DPP10: variants seen among roughly 807,000 people sequenced by gnomAD.
The protein encoded by DPP10 is dipeptidyl peptidase like 10.
A neutral mutation model predicts 120.9 loss-of-function variants in DPP10; 33 were observed. That is an observed-to-expected ratio of 0.27 (90% CI 0.21 to 0.37). The LOEUF is 0.37. Ranked by LOEUF, DPP10 falls within the 10% of genes least tolerant of loss-of-function variation. The pLI is 1.00. For synonymous variants in DPP10, 337 were observed against 326.1 expected, an observed-to-expected ratio of 1.03 and a Z score of -0.36; for missense variants, 816 against 942.8, an observed-to-expected ratio of 0.87 and a Z score of 1.76.
chr2:115,679,485 C>T (rs1449360760), intron 5 of DPP10, among the ~76,000 whole-genome samples: 2 of 152,174 alleles, frequency 1.3e-5, no homozygotes, highest in African/African-American at 4.8e-5. Context: ...CTGAGGCCTT[C>T]CCAGCCATTT....
intron 25 of DPP10, among the ~76,000 whole-genome samples, chr2:115,841,495 A>G (rs1417803103): frequency 1.3e-5 from 2 of 152,182 alleles, no homozygotes; most frequent in Admixed American, 1.3e-4. Context: ...AGCATTCAGA[A>G]GAACCAAAAG....
intron 1 of DPP10, among the ~76,000 whole-genome samples, chr2:114,625,282 C>G (rs1694423904): frequency 6.6e-6 from 1 of 151,922 alleles, no homozygotes. Flanking sequence ...GTGTCTTTAA[C>G]AAGATCTTCT....
chr2:115,815,669 T>G lies in DPP10; in HGVS notation c.1896-6T>G. ...ATATAACTATTGTTTTTCGTTTTCA[T>G]TGCAGATTTTTGCTGAAACTGCCTT... is the stretch of plus-strand genomic sequence containing the variant. On this transcript the variant is annotated splice_polypyrimidine_tract_variant and splice_region_variant and intron_variant, in intron 20 of 25. Transcript: ENST00000410059. The G allele has an allele frequency of 6.2e-7, 1 of 1,600,038 alleles. No homozygotes were observed. Among genetic ancestry groups the G allele is most frequent in the Non-Finnish European group, 8.5e-7 (1 of 1,172,544 alleles).
intron 1 of DPP10, among the ~76,000 whole-genome samples, chr2:115,209,388 T>A (rs1055305004): frequency 7.2e-5 from 11 of 152,140 alleles, no homozygotes; most frequent in African/African-American, 2.4e-4. Context: ...TGGACATTTT[T>A]AATATATGTA....
intron 1 of DPP10, among the ~76,000 whole-genome samples, chr2:114,627,473 T>C (rs1694603044): frequency 6.6e-6 from 1 of 152,100 alleles, no homozygotes; most frequent in Admixed American, 6.6e-5. Context: ...TAGGTTTCCT[T>C]CAGGCATAAC....
chr2:115,192,906 A>G (rs1330237047), intron 1 of DPP10, among the ~76,000 whole-genome samples: 1 of 151,642 alleles, frequency 6.6e-6, no homozygotes, highest in East Asian at 1.9e-4. Flanking sequence ...AATTAAATAA[A>G]TTAAATCCTT....
intron 1 of DPP10, among the ~76,000 whole-genome samples, chr2:114,864,269 G>C (rs571470081): frequency 6.6e-6 from 1 of 152,118 alleles, no homozygotes; most frequent in South Asian, 2.1e-4. Flanking sequence ...GTGAATACAA[G>C]GATGGATAAA....
rs182621733 is a variant in DPP10, at chr2:115,224,734, G to A, written c.61-84505G>A. Among the ~76,000 whole-genome samples the A allele has an allele frequency of 7.2e-4, 109 of 152,072 alleles. 1 individual carries two copies. Among genetic ancestry groups the A allele is most frequent in the Middle Eastern group, 3.4e-3 (1 of 294 alleles). On this transcript the variant is annotated intron_variant, in intron 1 of 25. Transcript: ENST00000410059. Reference sequence around the variant, plus strand: ...ATAATTGTAATTTGTTAAATTTAGCGTTATACAAGGTATATTTATTTTTTA... The same window carrying A: ...ATAATTGTAATTTGTTAAATTTAGCATTATACAAGGTATATTTATTTTTTA...
At chr2:115,795,319 G>A (rs185003754) in intron 19 of DPP10, among the ~76,000 whole-genome samples, 1 of 152,186 alleles carries the variant, frequency 6.6e-6, no homozygotes, top group Non-Finnish European at 1.5e-5. Flanking sequence ...AAGTTATCTT[G>A]CCACACTCGT....
At chr2:115,064,475 G>A in intron 1 of DPP10, 2 of 264,884 alleles carry the variant, frequency 7.6e-6, no homozygotes, top group East Asian at 1.6e-4. Context: ...GTGCCCAAAG[G>A]AGACAGAGAG....
chr2:115,153,969 A>G (rs1175171334), intron 1 of DPP10, among the ~76,000 whole-genome samples: 1 of 152,140 alleles, frequency 6.6e-6, no homozygotes, highest in Non-Finnish European at 1.5e-5. Context: ...CTCTTTCCAA[A>G]TATGTTGTCA....
In DPP10 at chr2:115,398,492, G is replaced by GAT. The variant is rs1045136518; in HGVS notation, c.271+54588_271+54589dup. ...AATTATTGTTCTTATTTAAGACTTAGATATATATAGCATAAATAACAGAAT... is the reference window on the plus strand; with the variant it reads ...AATTATTGTTCTTATTTAAGACTTAGATATATATATAGCATAAATAACAGAAT... On this transcript the variant is annotated intron_variant, in intron 3 of 25. Transcript: ENST00000410059. Among the ~76,000 whole-genome samples the GAT allele has an allele frequency of 3.2e-4, 49 of 151,846 alleles. 1 individual carries two copies. The highest frequency in any genetic ancestry group is 1.2e-3 in the African/African-American group (48 of 41,336).
chr2:115,705,136 A>G lies in DPP10; in HGVS notation c.576+15215A>G, dbSNP rs759482347. On this transcript the variant is annotated intron_variant, in intron 7 of 25. Coordinates refer to ENST00000410059, the MANE Select transcript of DPP10 (RefSeq NM_020868.6). ...AGCAATGGTTTAGTTTCTTTGGGAGACTTTAAATTTGTGATATAATCTCTT... is the reference window on the plus strand; with the variant it reads ...AGCAATGGTTTAGTTTCTTTGGGAGGCTTTAAATTTGTGATATAATCTCTT... 4.6e-4 allele frequency among the ~76,000 whole-genome samples: 70 copies of G among 151,790 alleles called. 1 individual carries two copies. Among genetic ancestry groups the G allele is most frequent in the Admixed American group, 2.4e-3 (36 of 15,168 alleles).
chr2:114,963,046 T>A (rs1218681828), intron 1 of DPP10, among the ~76,000 whole-genome samples: 1 of 152,214 alleles, frequency 6.6e-6, no homozygotes, highest in Non-Finnish European at 1.5e-5. Context: ...TTTCTGAGCA[T>A]AACAATCACA....
intron 5 of DPP10, among the ~76,000 whole-genome samples, chr2:115,684,445 C>A (rs2090857550): frequency 6.6e-6 from 1 of 151,866 alleles, no homozygotes. Flanking sequence ...AAACCAATCC[C>A]ATTTTGCCTG....
chr2:115,684,025 A>C (rs1018486624), intron 5 of DPP10, among the ~76,000 whole-genome samples: 1 of 151,892 alleles, frequency 6.6e-6, no homozygotes, highest in African/African-American at 2.4e-5. Flanking sequence ...ATATCCTTTT[A>C]AGGTTATAAA....
chr2:115,213,138 A>G (rs936967487), intron 1 of DPP10, among the ~76,000 whole-genome samples: 1 of 152,170 alleles, frequency 6.6e-6, no homozygotes, highest in African/African-American at 2.4e-5. Flanking sequence ...GAATTATAGG[A>G]AAGTCTTCAC....
At chr2:114,997,407 G>C (rs1340047805) in intron 1 of DPP10, among the ~76,000 whole-genome samples, 2 of 151,072 alleles carry the variant, frequency 1.3e-5, no homozygotes, top group African/African-American at 2.4e-5. Context: ...CAGAAGGATT[G>C]CTTGAACCCA....
chr2:114,856,542 T>C (rs72961653), intron 1 of DPP10, among the ~76,000 whole-genome samples: 3,360 of 152,266 alleles, frequency 0.022, 120 homozygotes, highest in African/African-American at 0.077. Flanking sequence ...TAAAATAAAA[T>C]ACTATATAGC....
Sources: gnomAD v4.1 joint callset for allele counts (sites outside exome capture counted in the v4.1 genomes callset) on GRCh38, gnomAD v4.1.1 for gene constraint, MANE v1.5 for transcripts, NCBI Gene and HGNC (gene_info 2026-07-23, HGNC 2026-07-21) for gene names.